UBTD2: variants seen among roughly 807,000 people sequenced by gnomAD.
The protein encoded by UBTD2 is ubiquitin domain containing 2, also known as ubiquitin domain-containing protein 2.
UBTD2 carries 9 observed loss-of-function variants against 19.8 expected under a neutral mutation model. The ratio of observed to expected loss-of-function variants is 0.46; its 90% confidence interval spans 0.27 to 0.79. The LOEUF is 0.79. UBTD2 is among the 30% of genes least tolerant of loss of function. The pLI, the probability that UBTD2 is intolerant of heterozygous loss-of-function variation, is 0.14. For missense variants in UBTD2, 250 were observed against 300.4 expected, an observed-to-expected ratio of 0.83 and a Z score of 1.24; for synonymous variants, 98 against 103.9, an observed-to-expected ratio of 0.94 and a Z score of 0.35.
intron 2 of UBTD2, among the ~76,000 whole-genome samples, chr5:172,233,458 A>G (rs138685780): frequency 3.3e-5 from 5 of 152,200 alleles, no homozygotes; most frequent in Non-Finnish European, 5.9e-5. Flanking sequence ...AAGGAGACCA[A>G]ACAAGAGTAT....
intron 1 of UBTD2, among the ~76,000 whole-genome samples, chr5:172,269,506 A>G (rs1755443262): frequency 6.6e-6 from 1 of 151,724 alleles, no homozygotes; most frequent in African/African-American, 2.4e-5. Flanking sequence ...AAAAAAAAAA[A>G]ATTAAGTTTG....
intron 2 of UBTD2, among the ~76,000 whole-genome samples, chr5:172,223,778 CTAG>C (rs974923739): frequency 7.2e-5 from 11 of 151,880 alleles, no homozygotes; most frequent in African/African-American, 2.7e-4. Context: ...GGTCACAGAA[CTAG>C]TAAGTGGCCA....
intron 2 of UBTD2, among the ~76,000 whole-genome samples, chr5:172,231,777 T>C (rs12658484): frequency 0.3 from 45,708 of 151,928 alleles, 7,001 homozygotes; most frequent in South Asian, 0.42. Context: ...ACAGAGGATA[T>C]GGACATCAAA....
chr5:172,231,651 A>G (rs1034508586), intron 2 of UBTD2, among the ~76,000 whole-genome samples: 15 of 152,362 alleles, frequency 9.8e-5, no homozygotes, highest in Middle Eastern at 6.8e-3. Context: ...GTAGGTAATT[A>G]TAAGTACAAA....
intron 1 of UBTD2, among the ~76,000 whole-genome samples, chr5:172,237,881 T>A (rs1028768706): frequency 6.6e-6 from 1 of 152,228 alleles, no homozygotes; most frequent in Non-Finnish European, 1.5e-5. Flanking sequence ...GGCAAAAATA[T>A]ACAGGCTGTC....
chr5:172,274,625 G>A (rs963269222), intron 1 of UBTD2, among the ~76,000 whole-genome samples: 1 of 152,140 alleles, frequency 6.6e-6, no homozygotes, highest in Non-Finnish European at 1.5e-5. Flanking sequence ...CCTCAAAAGG[G>A]CTACTGGTAT....
Position 172,283,685 on chromosome 5 carries a change from T to A in UBTD2, c.-20A>T, listed in dbSNP as rs1031323249. On this transcript the variant is annotated 5_prime_UTR_variant, in exon 1 of 3. Coordinates refer to ENST00000393792, the MANE Select transcript of UBTD2 (RefSeq NM_152277.3). This position sits in a 1 kb window ranked among gnomAD's most constrained non-coding sequence, Gnocchi z 4.3. ...GCCCATGGGGGCCCCCGGCGCCTCG[T>A]CCGCCACCTCCGGACGCTCGTCCGG... 20 of 1,225,058 alleles carry A rather than the reference T, an allele frequency of 1.6e-5. No homozygotes were observed. The highest frequency in any genetic ancestry group is 1.6e-5 in the African/African-American group (1 of 63,110). The allele number at this position is 1,225,058 out of a possible 1,614,324, so 75.9% of individuals were successfully genotyped here.
chr5:172,235,380 T>C (rs1771987234), intron 1 of UBTD2, among the ~76,000 whole-genome samples: 1 of 152,184 alleles, frequency 6.6e-6, no homozygotes, highest in Non-Finnish European at 1.5e-5. Flanking sequence ...CCTCTAGCAT[T>C]CTACTCTCTG....
At chr5:172,242,546 G>C in intron 1 of UBTD2, 1 of 480,914 alleles carries the variant, frequency 2.1e-6, no homozygotes. Context: ...TAGGAAGTTA[G>C]GTTTAGAAGC....
chr5:172,242,158 G>A (rs1350244692), intron 1 of UBTD2, among the ~76,000 whole-genome samples: 2 of 151,850 alleles, frequency 1.3e-5, no homozygotes, highest in African/African-American at 4.8e-5. Flanking sequence ...CCCTCAACAG[G>A]AACAGAGGCC....
chr5:172,273,708 C>CAGCTACAA (rs1755549323), intron 1 of UBTD2, among the ~76,000 whole-genome samples: 1 of 150,496 alleles, frequency 6.6e-6, no homozygotes, highest in Non-Finnish European at 1.5e-5. Flanking sequence ...GATCAGGAAG[C>CAGCTACAA]AGCTACAATG....
At chr5:172,228,323 T>C (rs1199770848) in intron 2 of UBTD2, among the ~76,000 whole-genome samples, 2 of 152,340 alleles carry the variant, frequency 1.3e-5, no homozygotes, top group East Asian at 1.9e-4. Flanking sequence ...TCAAGACTTA[T>C]ACTTTGGAAG....
chr5:172,241,739 G>A (rs1772132250), intron 1 of UBTD2, among the ~76,000 whole-genome samples: 1 of 152,096 alleles, frequency 6.6e-6, no homozygotes, highest in Non-Finnish European at 1.5e-5. Context: ...GGCTGGTTGG[G>A]TGTGCTGGCT....
intron 1 of UBTD2, among the ~76,000 whole-genome samples, chr5:172,256,080 ACT>A (rs1755142197): frequency 6.6e-6 from 1 of 152,112 alleles, no homozygotes; most frequent in African/African-American, 2.4e-5. Flanking sequence ...TAAAAGCCAA[ACT>A]CTGTCTCAAA....
intron 1 of UBTD2, among the ~76,000 whole-genome samples, chr5:172,244,091 T>G (rs1449650957): frequency 6.6e-6 from 1 of 152,054 alleles, no homozygotes. Context: ...CATATTCTGG[T>G]GCTCCTTGAA....
intron 2 of UBTD2, among the ~76,000 whole-genome samples, chr5:172,219,471 T>C (rs1771610836): frequency 6.6e-6 from 1 of 152,228 alleles, no homozygotes; most frequent in African/African-American, 2.4e-5. Context: ...GTCCGGAGTA[T>C]CCATGCTGTA....
intron 2 of UBTD2, among the ~76,000 whole-genome samples, chr5:172,212,689 G>A (rs1373726307): frequency 2.6e-5 from 4 of 152,160 alleles, no homozygotes; most frequent in Non-Finnish European, 5.9e-5. Flanking sequence ...TATTGAGATG[G>A]AGTGTCGCTG....
chr5:172,236,833 G>C (rs1442539828), intron 1 of UBTD2, among the ~76,000 whole-genome samples: 1 of 152,144 alleles, frequency 6.6e-6, no homozygotes, highest in Non-Finnish European at 1.5e-5. Context: ...AACCTCTACA[G>C]AAGAATCTCA....
At chr5:172,265,736 G>A (rs1755366547) in intron 1 of UBTD2, among the ~76,000 whole-genome samples, 1 of 152,020 alleles carries the variant, frequency 6.6e-6, no homozygotes, top group South Asian at 2.1e-4. Flanking sequence ...GATGTACTAG[G>A]CACTATACCA....
Sources: gnomAD v4.1 joint callset for allele counts (sites outside exome capture counted in the v4.1 genomes callset) on GRCh38, gnomAD v4.1.1 for gene constraint, Gnocchi (gnomAD v3.1) non-coding constraint, MANE v1.5 for transcripts, NCBI Gene and HGNC (gene_info 2026-07-23, HGNC 2026-07-21) for gene names.